Variants in RPH3AL observed in about 807,000 individuals in gnomAD.
RPH3AL encodes rabphilin 3A like (without C2 domains), also known as rab effector Noc2.
RPH3AL carries 38 observed loss-of-function variants against 43.1 expected under a neutral mutation model. That is an observed-to-expected ratio of 0.88 (90% CI 0.68 to 1.15). The LOEUF (loss-of-function observed/expected upper bound fraction) is 1.15. Among genes scored for constraint, RPH3AL ranks in the 50% most tolerant of loss-of-function variants. RPH3AL has a pLI of 0.00. For missense variants in RPH3AL, 462 were observed against 423.2 expected, an observed-to-expected ratio of 1.09 and a Z score of -0.81; for synonymous variants, 189 against 176.3, an observed-to-expected ratio of 1.07 and a Z score of -0.57.
intron 6 of RPH3AL, among the ~76,000 whole-genome samples, chr17:270,166 C>T (rs1484803017): frequency 6.6e-6 from 1 of 152,128 alleles, no homozygotes; most frequent in Non-Finnish European, 1.5e-5. Flanking sequence ...GTGGGGTGCT[C>T]AGGCAGCCGC....
At position 274,404 on chromosome 17, in the gene RPH3AL, T is replaced by C. The variant is rs967821051; in HGVS notation, c.438+7364A>G. On this transcript the variant is annotated intron_variant, in intron 6 of 9. Transcript: ENST00000331302. This position sits in a 1 kb window ranked among gnomAD's most constrained non-coding sequence, Gnocchi z 4.7. ...CCGCCTGGGCAGCCTTCCTGGCACT[T>C]CAGGGCTGCCAGTTCCTGGGGCCAC... Among the ~76,000 whole-genome samples, 1 of 152,244 alleles carries C rather than the reference T, an allele frequency of 6.6e-6. No homozygotes were observed. Among genetic ancestry groups the C allele is most frequent in the African/African-American group, 2.4e-5 (1 of 41,470 alleles).
intron 6 of RPH3AL, among the ~76,000 whole-genome samples, chr17:258,199 G>C (rs1337481009): frequency 5.9e-5 from 9 of 152,098 alleles, no homozygotes; most frequent in African/African-American, 1.7e-4. Flanking sequence ...GTTTTCATCT[G>C]TCTCCCCCAC....
intron 1 of RPH3AL, among the ~76,000 whole-genome samples, chr17:345,622 C>T (rs1218682827): frequency 3.8e-5 from 5 of 131,038 alleles, no homozygotes; most frequent in South Asian, 2.5e-4. Context: ...TGCTGGGGCA[C>T]GCGTGCTCCC....
Position 328,085 on chromosome 17 carries a change from G to A in RPH3AL, c.-36-506C>T, listed in dbSNP as rs925927937. On this transcript the variant is annotated intron_variant, in intron 2 of 9. Transcript: ENST00000331302. The surrounding 1 kb of genome is among the most constrained non-coding windows in gnomAD (Gnocchi z 4.2). ...TCACACCGATGATCACAATGCCCTC[G>A]AGGGCAGGCAAGAGGGCAGGGGGTG... is the stretch of plus-strand genomic sequence containing the variant. Among the ~76,000 whole-genome samples, 11 of 152,046 alleles carry A rather than the reference G, an allele frequency of 7.2e-5. No homozygotes were observed. The highest frequency in any genetic ancestry group is 1.3e-4 in the Non-Finnish European group (9 of 68,006).
intron 5 of RPH3AL, among the ~76,000 whole-genome samples, chr17:305,031 G>T (rs2043442995): frequency 1.5e-5 from 1 of 66,400 alleles, no homozygotes; most frequent in African/African-American, 8.2e-5. Context: ...AGGGCGGGAG[G>T]GGGACAGGGC....
intron 6 of RPH3AL, among the ~76,000 whole-genome samples, chr17:251,419 G>T (rs1333855404): frequency 6.6e-6 from 1 of 152,196 alleles, no homozygotes; most frequent in African/African-American, 2.4e-5. Flanking sequence ...GGAAACTGAG[G>T]CTCCAACAAG....
At chr17:249,793 CTCA>C (rs2041844707) in intron 6 of RPH3AL, among the ~76,000 whole-genome samples, 1 of 151,500 alleles carries the variant, frequency 6.6e-6, no homozygotes, top group Non-Finnish European at 1.5e-5. Flanking sequence ...TGCGGGACAT[CTCA>C]GAGCCTTTAT....
In RPH3AL at chr17:215,003, G is replaced by A. The variant is rs367599670; in HGVS notation, c.876+651C>T. ...ATCGAGTGGGGAAGGAGAGAGGTGC[G>A]GCAGGCGTTCCTGTGGGTGGCTGCC... is the stretch of plus-strand genomic sequence containing the variant. On this transcript the variant is annotated intron_variant, in intron 9 of 9. Coordinates refer to ENST00000331302, the MANE Select transcript of RPH3AL (RefSeq NM_006987.4). The surrounding 1 kb of genome is among the most constrained non-coding windows in gnomAD (Gnocchi z 4.1). Among the ~76,000 whole-genome samples, 34 of 152,244 alleles carry A rather than the reference G, an allele frequency of 2.2e-4. No individual in the cohort carries two copies. The South Asian group carries it at 6.2e-3, about 28-fold the overall frequency.
intron 5 of RPH3AL, among the ~76,000 whole-genome samples, chr17:315,070 G>T (rs1465973862): frequency 2.8e-5 from 4 of 141,606 alleles, no homozygotes; most frequent in Admixed American, 7.1e-5. Context: ...TGTAGTCCCT[G>T]TGCTCCACCT....
rs563345650 is a variant in RPH3AL at position 299,167 on chromosome 17, C to G, written c.352-17313G>C. Reference sequence around the variant, plus strand: ...AATGAGACTCGTCCACAGTCTGGAACCCAGTGGGGGCCCTGCAATGGCCCA... The same window carrying G: ...AATGAGACTCGTCCACAGTCTGGAAGCCAGTGGGGGCCCTGCAATGGCCCA... On this transcript the variant is annotated intron_variant, in intron 5 of 9. Coordinates refer to ENST00000331302, the MANE Select transcript of RPH3AL (RefSeq NM_006987.4). Among the ~76,000 whole-genome samples, 9 of 152,258 alleles carry G rather than the reference C, an allele frequency of 5.9e-5. No homozygotes were observed. In the South Asian group the frequency reaches 1.2e-3, roughly 21 times the overall value.
At chr17:285,748 C>G (rs1362343891) in intron 5 of RPH3AL, among the ~76,000 whole-genome samples, 1 of 152,214 alleles carries the variant, frequency 6.6e-6, no homozygotes, top group Non-Finnish European at 1.5e-5. Flanking sequence ...GCCAGAGGAC[C>G]CTGCCCTCAG....
Position 214,020 on chromosome 17 carries a change from G to A in RPH3AL, c.877-97C>T. 9 of 898,878 alleles carry A rather than the reference G, an allele frequency of 1.0e-5. No individual in the cohort carries two copies. The South Asian group carries it at 1.3e-4, about 13-fold the overall frequency. The allele number at this position is 898,878 out of a possible 1,614,324, so 55.7% of individuals were successfully genotyped here. On this transcript the variant is annotated intron_variant, in intron 9 of 9. Transcript: ENST00000331302. ...CCTTTGGGAATGAGATGGAGGAGCT[G>A]GTGGGGAAGGCAGGCTTCTGCTGAC... is the stretch of plus-strand genomic sequence containing the variant.
At chr17:337,722 G>T (rs761232376) in intron 1 of RPH3AL, among the ~76,000 whole-genome samples, 4 of 152,254 alleles carry the variant, frequency 2.6e-5, no homozygotes, top group Non-Finnish European at 5.9e-5. Flanking sequence ...TGCTGACGAG[G>T]CACCAGGCCC....
chr17:317,131 G>A (rs1319127050), intron 5 of RPH3AL, among the ~76,000 whole-genome samples: 4 of 33,058 alleles, frequency 1.2e-4, no homozygotes, highest in Admixed American at 3.7e-4. Flanking sequence ...CTCCACTGAC[G>A]TGTAGTCCCT....
intron 6 of RPH3AL, among the ~76,000 whole-genome samples, chr17:268,509 T>G (rs2042373175): frequency 6.6e-6 from 1 of 151,738 alleles, no homozygotes; most frequent in African/African-American, 2.4e-5. Flanking sequence ...TAGTTAAGTT[T>G]TGGAGAGTTA....
chr17:252,745 C>A (rs2041939160), intron 6 of RPH3AL, among the ~76,000 whole-genome samples: 1 of 152,182 alleles, frequency 6.6e-6, no homozygotes, highest in African/African-American at 2.4e-5. Context: ...TTCCAAAATG[C>A]TTGGGACAGA....
Position 219,577 on chromosome 17 carries a change from G to T in RPH3AL, c.727+46C>A, listed in dbSNP as rs62059560. On this transcript the variant is annotated intron_variant, in intron 8 of 9. Coordinates refer to ENST00000331302, the MANE Select transcript of RPH3AL (RefSeq NM_006987.4). ...TTTCGCTCCTGTTGCCCAGGCTGGAGTGCACCGTGCCCGGCCAATAAGCAG... is the reference window on the plus strand; with the variant it reads ...TTTCGCTCCTGTTGCCCAGGCTGGATTGCACCGTGCCCGGCCAATAAGCAG... 15 of 913,422 alleles carry T rather than the reference G, an allele frequency of 1.6e-5. No individual in the cohort carries two copies. The African/African-American group carries it at 2.2e-4, about 14-fold the overall frequency. 56.6% of individuals were successfully genotyped at this position (913,422 alleles called of 1,614,324 possible). A position where few individuals can be genotyped will look rare whatever the true frequency, so the allele number is the denominator to read the frequency against.
intron 7 of RPH3AL, among the ~76,000 whole-genome samples, chr17:226,284 G>A (rs1191412007): frequency 6.6e-6 from 1 of 151,804 alleles, no homozygotes; most frequent in African/African-American, 2.4e-5. Flanking sequence ...GACACAGCAG[G>A]CGCCAGGAAG....
chr17:219,802 G>A (rs1036786227), intron 7 of RPH3AL, 66 bp from the exon 8 acceptor site: 4 of 1,237,520 alleles, frequency 3.2e-6, no homozygotes, highest in African/African-American at 3.0e-5. Flanking sequence ...CATGGACGGA[G>A]GGACGAGGGC....
Sources: gnomAD v4.1 joint callset for allele counts (sites outside exome capture counted in the v4.1 genomes callset) on GRCh38, gnomAD v4.1.1 for gene constraint, Gnocchi (gnomAD v3.1) non-coding constraint, MANE v1.5 for transcripts, NCBI Gene and HGNC (gene_info 2026-07-23, HGNC 2026-07-21) for gene names.